The following AFF1 variants were observed in gnomAD, a reference collection of about 807,000 sequenced individuals.
AFF1 encodes AF4/FMR2 family member 1.
AFF1 carries 48 observed loss-of-function variants against 121.7 expected under a neutral mutation model. The observed-to-expected ratio is 0.39, with a 90% CI of 0.31 to 0.50. The LOEUF (loss-of-function observed/expected upper bound fraction) is 0.50. AFF1 is among the 20% of genes least tolerant of loss of function. The pLI is 0.76. For missense variants in AFF1, 1,523 were observed against 1,511.7 expected (o/e 1.01, Z -0.12); for synonymous variants, 613 against 563.0 (o/e 1.09, Z -1.26).
intron 2 of AFF1, among the ~76,000 whole-genome samples, chr4:87,011,244 A>G (rs1046023074): frequency 3.3e-5 from 5 of 152,168 alleles, no homozygotes; most frequent in African/African-American, 1.2e-4. Context: ...CTCAAAAGAA[A>G]GGATTTATAG....
chr4:86,967,238 A>G (rs1216275788), intron 2 of AFF1, among the ~76,000 whole-genome samples: 1 of 152,200 alleles, frequency 6.6e-6, no homozygotes, highest in Non-Finnish European at 1.5e-5. Flanking sequence ...TTTAGAGTTG[A>G]AAAAATTGGG....
chr4:87,016,852 G>A (rs1727351353), intron 2 of AFF1, among the ~76,000 whole-genome samples: 2 of 152,134 alleles, frequency 1.3e-5, no homozygotes, highest in African/African-American at 4.8e-5. Context: ...ACTTGCATAT[G>A]TATATATATT....
chr4:87,107,538 A>T (rs1726037326), intron 10 of AFF1, among the ~76,000 whole-genome samples: 1 of 152,194 alleles, frequency 6.6e-6, no homozygotes, highest in African/African-American at 2.4e-5. Context: ...TTTTGAGTTC[A>T]CCTTGCAAAG....
At chr4:87,079,918 C>G (rs1208567002) in intron 4 of AFF1, among the ~76,000 whole-genome samples, 1 of 152,074 alleles carries the variant, frequency 6.6e-6, no homozygotes, top group Non-Finnish European at 1.5e-5. Flanking sequence ...AGTGTAGTCC[C>G]CCTACCTCCC....
At chr4:86,985,888 CATT>C (rs375422542) in intron 2 of AFF1, among the ~76,000 whole-genome samples, 1,609 of 150,756 alleles carry the variant, frequency 0.011, 17 homozygotes, top group Non-Finnish European at 0.015. Context: ...AAAGTGATAA[CATT>C]ATCATTTTGC....
At chr4:86,944,437 G>A (rs1466216488) in intron 1 of AFF1, among the ~76,000 whole-genome samples, 4 of 151,424 alleles carry the variant, frequency 2.6e-5, no homozygotes, top group South Asian at 2.1e-4. Flanking sequence ...CGCGATCTCA[G>A]CTCACTGCAA....
intron 4 of AFF1, among the ~76,000 whole-genome samples, chr4:87,068,230 T>C (rs961756904): frequency 4.0e-5 from 6 of 149,108 alleles, no homozygotes; most frequent in Non-Finnish European, 8.9e-5. Context: ...GTTCCTGAGA[T>C]TGGGCTATAA....
At chr4:86,956,307 C>A (rs1405137274) in intron 2 of AFF1, among the ~76,000 whole-genome samples, 1 of 152,090 alleles carries the variant, frequency 6.6e-6, no homozygotes, top group Non-Finnish European at 1.5e-5. Flanking sequence ...AGTTTAGATT[C>A]AGACTTACCT....
chr4:87,007,313 C>T, intron 2 of AFF1: 4 of 1,592,328 alleles, frequency 2.5e-6, no homozygotes, highest in Admixed American at 3.6e-5. Context: ...GCGTCCCCGC[C>T]CGGCTCCGCC....
intron 2 of AFF1, among the ~76,000 whole-genome samples, chr4:86,985,507 C>CAAA (rs34276113): frequency 4.1e-5 from 4 of 96,488 alleles, no homozygotes; most frequent in Admixed American, 2.2e-4. Flanking sequence ...GACACTGTCT[C>CAAA]AAAAAAAAAA....
intron 11 of AFF1, 31 bp downstream of exon 11, chr4:87,108,346 T>TA (rs1726140195): frequency 6.2e-7 from 1 of 1,604,360 alleles, no homozygotes; most frequent in Non-Finnish European, 8.5e-7. Flanking sequence ...ATGGCCACCT[T>TA]AGATGGCAGC....
intron 2 of AFF1, among the ~76,000 whole-genome samples, chr4:87,001,240 CGGCGT>C (rs2149520670): frequency 3.4e-5 from 2 of 58,116 alleles, no homozygotes; most frequent in East Asian, 9.5e-4. Context: ...TTTTTGGTGA[CGGCGT>C]CTCGCTCTGT....
At chr4:86,991,316 G>A (rs1242496255) in intron 2 of AFF1, among the ~76,000 whole-genome samples, 1 of 151,884 alleles carries the variant, frequency 6.6e-6, no homozygotes, top group East Asian at 1.9e-4. Context: ...TTGGTGGCAG[G>A]CACCTGTAGT....
At chr4:87,032,415 TAACC>T (rs937531986) in intron 2 of AFF1, among the ~76,000 whole-genome samples, 33 of 152,328 alleles carry the variant, frequency 2.2e-4, no homozygotes, top group African/African-American at 7.5e-4. Context: ...TGTAATTAAA[TAACC>T]AAAGGGAAAG....
intron 4 of AFF1, among the ~76,000 whole-genome samples, chr4:87,081,907 C>G (rs1560606862): frequency 1.3e-5 from 2 of 152,048 alleles, no homozygotes. Context: ...TAACAAAACT[C>G]TTGGGGAAAA....
At chr4:87,081,564 A>G (rs937643980) in intron 4 of AFF1, among the ~76,000 whole-genome samples, 5 of 152,234 alleles carry the variant, frequency 3.3e-5, no homozygotes, top group African/African-American at 1.2e-4. Context: ...CATTGTACGG[A>G]TGCACTGTAA....
intron 1 of AFF1, among the ~76,000 whole-genome samples, chr4:86,947,833 T>C (rs1025627742): frequency 3.3e-5 from 5 of 151,458 alleles, no homozygotes; most frequent in Non-Finnish European, 5.9e-5. Flanking sequence ...TTTTTTTGTT[T>C]TGATTAAGTA....
At chr4:87,057,859 G>C (rs1463528870) in intron 4 of AFF1, among the ~76,000 whole-genome samples, 1 of 152,110 alleles carries the variant, frequency 6.6e-6, no homozygotes, top group Non-Finnish European at 1.5e-5. Context: ...GAATGGGTTT[G>C]CCATGGTGTT....
chr4:87,072,179 C>A (rs575742691), intron 4 of AFF1, among the ~76,000 whole-genome samples: 7 of 151,960 alleles, frequency 4.6e-5, no homozygotes, highest in Non-Finnish European at 1.0e-4. Context: ...CTGGCTAACA[C>A]GGTGAAGACC....
Sources: allele counts gnomAD v4.1 joint callset (sites outside exome capture counted in the v4.1 genomes callset), GRCh38; gene constraint gnomAD v4.1.1; transcripts MANE v1.5; gene names NCBI Gene and HGNC (gene_info 2026-07-23, HGNC 2026-07-21).